DNAH9: variants seen among roughly 807,000 people sequenced by gnomAD.
DNAH9 encodes the protein DNAH9 variant protein.
In DNAH9, 345 loss-of-function variants were observed where a neutral mutation model predicts 471.6. The observed-to-expected ratio is 0.73, with a 90% CI of 0.67 to 0.80. DNAH9 has a LOEUF of 0.80. DNAH9 is among the 30% of genes least tolerant of loss of function. The pLI, the probability that DNAH9 is intolerant of heterozygous loss-of-function variation, is 0.00. For synonymous variants in DNAH9, 2,093 were observed against 2,123.6 expected, an observed-to-expected ratio of 0.99 and a Z score of 0.40; for missense variants, 5,407 against 5,609.2, an observed-to-expected ratio of 0.96 and a Z score of 1.15.
chr17:11,909,423 G>A (rs183063243), intron 61 of DNAH9, among the ~76,000 whole-genome samples: 19 of 151,982 alleles, frequency 1.3e-4, no homozygotes, highest in African/African-American at 3.9e-4. Context: ...CCCAAACCAC[G>A]AGAGTTACTC....
chr17:11,789,946 C>T (rs1377737022), intron 41 of DNAH9, among the ~76,000 whole-genome samples: 4 of 151,930 alleles, frequency 2.6e-5, no homozygotes, highest in African/African-American at 4.8e-5. Flanking sequence ...CTTTGACTCA[C>T]GGAATATTTA....
intron 48 of DNAH9, among the ~76,000 whole-genome samples, chr17:11,824,646 T>G (rs1424382169): frequency 4.6e-5 from 7 of 152,246 alleles, no homozygotes; most frequent in Admixed American, 2.0e-4. Flanking sequence ...TTGCTTCTTC[T>G]TCTTAGGCTT....
intron 62 of DNAH9, chr17:11,925,108 G>T: frequency 2.3e-6 from 1 of 439,092 alleles, no homozygotes; most frequent in Non-Finnish European, 4.5e-6. Context: ...GAGCTCCATT[G>T]CTACGTTGAC....
chr17:11,757,677 A>G lies in DNAH9; in HGVS notation c.6980A>G (p.Asp2327Gly). ...GACAAGTATCTTCCAACCTGCCTAG[A>G]CACACTCAGAACCAGGTAGGCCAAG... is the stretch of plus-strand genomic sequence containing the variant. Reference protein sequence around the residue: ...LFDKYLPTCLDTLRTRFKKII... With the variant: ...LFDKYLPTCLGTLRTRFKKII... Residue 2327 changes from aspartate (D) to glycine (G), a missense_variant, in exon 35 of 69, where the codon GAC becomes GGC. Physicochemically the swap from Asp to Gly is moderately conservative, Grantham distance 94. Transcript: ENST00000262442. The G allele has an allele frequency of 1.9e-6, 3 of 1,613,996 alleles. No individual in the cohort carries two copies. Among genetic ancestry groups the G allele is most frequent in the Non-Finnish European group, 2.5e-6 (3 of 1,180,028 alleles).
intron 59 of DNAH9, among the ~76,000 whole-genome samples, chr17:11,900,452 C>A (rs1973370227): frequency 6.6e-6 from 1 of 150,656 alleles, no homozygotes; most frequent in African/African-American, 2.4e-5. Flanking sequence ...TCCTGTCAGG[C>A]CCCACACTCT....
intron 32 of DNAH9, among the ~76,000 whole-genome samples, chr17:11,748,440 G>A (rs1697838187): frequency 6.6e-6 from 1 of 152,186 alleles, no homozygotes; most frequent in African/African-American, 2.4e-5. Flanking sequence ...TCAAGTATGT[G>A]TTGGGTAGGG....
chr17:11,875,037 C>T lies in DNAH9; in HGVS notation c.10331C>T (p.Pro3444Leu), dbSNP rs1305429453. 2 of 1,614,156 alleles carry T rather than the reference C, an allele frequency of 1.2e-6. No individual in the cohort carries two copies. Residue 3444 changes from proline (P) to leucine (L), a missense_variant, in exon 53 of 69, where the codon CCA becomes CTA. Pro to Leu is a moderately conservative substitution (Grantham distance 98, BLOSUM62 -3). This residue lies in a region of DNAH9 where 4,636 missense variants were observed against 4,900.3 expected (regional missense o/e 0.95). Coordinates refer to ENST00000262442, the MANE Select transcript of DNAH9 (RefSeq NM_001372.4). ...DVAAWQNEGL[P>L]ADRMSVENAT... ...GCTGCCTGGCAGAACGAGGGCCTCC[C>T]AGCCGACCGCATGTCCGTGGAGAAT...
intron 50 of DNAH9, among the ~76,000 whole-genome samples, chr17:11,856,455 T>G (rs1458966750): frequency 2.0e-5 from 3 of 151,842 alleles, no homozygotes; most frequent in African/African-American, 7.3e-5. Flanking sequence ...ATCCCAGCAC[T>G]TTGGGAGGTC....
Position 11,598,503 on chromosome 17 carries a change from G to A in DNAH9, c.5G>A (p.Arg2Gln). 1.5e-6 allele frequency: 2 copies of A among 1,357,402 alleles called. No individual in the cohort carries two copies. Among genetic ancestry groups the A allele is most frequent in the South Asian group, 1.7e-5 (1 of 57,374 alleles). 84.1% of individuals were successfully genotyped at this position (1,357,402 alleles called of 1,614,324 possible). Residue 2 changes from arginine (R) to glutamine (Q), a missense_variant, in exon 1 of 69, where the codon CGG becomes CAG. By Grantham distance (43) the Arg-to-Gln change is conservative. Coordinates refer to ENST00000262442, the MANE Select transcript of DNAH9 (RefSeq NM_001372.4). Reference sequence around the variant, plus strand: ...TGCAGCTGGAGGCCGCGCGCGATGCGGCTCGCGGAGGAGCGGGCCGCGCTC... The same window carrying A: ...TGCAGCTGGAGGCCGCGCGCGATGCAGCTCGCGGAGGAGCGGGCCGCGCTC... Reference protein sequence around the residue: MRLAEERAALAA... With the variant: MQLAEERAALAA...
chr17:11,672,477 C>T (rs73975046), intron 17 of DNAH9, among the ~76,000 whole-genome samples: 2,019 of 152,262 alleles, frequency 0.013, 40 homozygotes, highest in African/African-American at 0.046. Context: ...GGTTGCTCTT[C>T]AGTGCTGCTT....
chr17:11,790,194 C>T (rs1969014760), intron 41 of DNAH9, among the ~76,000 whole-genome samples: 1 of 151,846 alleles, frequency 6.6e-6, no homozygotes, highest in Non-Finnish European at 1.5e-5. Context: ...CCTTGTAAAT[C>T]ATGTTGTTTA....
intron 22 of DNAH9, among the ~76,000 whole-genome samples, chr17:11,698,182 T>TAATATATTAATTATA (rs369729599): frequency 8.3e-6 from 1 of 120,350 alleles, no homozygotes; most frequent in Non-Finnish European, 1.6e-5. Context: ...TAATATATTA[T>TAATATATTAATTATA]TATATTAATA....
At chr17:11,714,530 A>G (rs1394408265) in intron 26 of DNAH9, among the ~76,000 whole-genome samples, 1 of 152,198 alleles carries the variant, frequency 6.6e-6, no homozygotes, top group Non-Finnish European at 1.5e-5. Flanking sequence ...GAATTCTACA[A>G]ATGATCTCTA....
At chr17:11,923,604 C>CATG (rs1974214582) in intron 61 of DNAH9, among the ~76,000 whole-genome samples, 1 of 152,198 alleles carries the variant, frequency 6.6e-6, no homozygotes, top group African/African-American at 2.4e-5. Context: ...AGCCACTGCG[C>CATG]CCGGCTCAAG....
intron 4 of DNAH9, among the ~76,000 whole-genome samples, chr17:11,614,465 C>A (rs1413498838): frequency 2.6e-5 from 4 of 151,958 alleles, no homozygotes; most frequent in Non-Finnish European, 5.9e-5. Flanking sequence ...AGCAACAGTC[C>A]CCTTGAGAAG....
intron 6 of DNAH9, among the ~76,000 whole-genome samples, chr17:11,625,567 C>T (rs977785506): frequency 1.3e-5 from 2 of 152,122 alleles, no homozygotes; most frequent in African/African-American, 2.4e-5. Flanking sequence ...TAATGAATTC[C>T]CAAGGTTCTT....
At position 11,598,815 on chromosome 17, in the gene DNAH9, C is replaced by G; in HGVS notation, c.317C>G (p.Thr106Ser). The G allele has an allele frequency of 2.0e-6, 3 of 1,486,682 alleles. No individual in the cohort carries two copies. The highest frequency in any genetic ancestry group is 1.5e-5 in the African/African-American group (1 of 68,678). The allele number at this position is 1,486,682 out of a possible 1,614,324, so 92.1% of individuals were successfully genotyped here. ...GCTAAGGCGCTTTTTTTCCTTCGCA[C>G]CGGGCCCGAGCCTCCAGGGCCCGAC... ...AGAKALFFLR[T>S]GPEPPGPDSF... The change falls in exon 1 of 69, where the codon ACC (threonine) becomes AGC (serine). Residue 106 changes from threonine (T) to serine (S), a missense_variant. This residue lies in a region of DNAH9 where 767 missense variants were observed against 692.5 expected (regional missense o/e 1.11). Transcript: ENST00000262442.
intron 38 of DNAH9, 83 bp downstream of exon 38, chr17:11,769,412 C>T: frequency 7.8e-7 from 1 of 1,287,158 alleles, no homozygotes; most frequent in Non-Finnish European, 1.1e-6. Context: ...GCGTCAGGTG[C>T]CTGCCTGACT....
chr17:11,699,701 A>C lies in DNAH9; in HGVS notation c.4873-30A>C, dbSNP rs747570702. On this transcript the variant is annotated intron_variant, in intron 22 of 68. Transcript: ENST00000262442. ...ATAAGCAGCTTCCCGAACATGTTTT[A>C]TGATCCATTGGCCTGGTTTCCCTTC... 10 of 1,609,594 alleles carry C rather than the reference A, an allele frequency of 6.2e-6. 1 individual carries two copies. The South Asian group carries it at 9.9e-5, about 16-fold the overall frequency.
Sources: allele counts gnomAD v4.1 joint callset (sites outside exome capture counted in the v4.1 genomes callset), GRCh38; gene constraint gnomAD v4.1.1; regional missense constraint gnomAD v4.1.1; transcripts MANE v1.5; gene names NCBI Gene and HGNC (gene_info 2026-07-23, HGNC 2026-07-21).